Variants in RBFOX1 observed in about 807,000 individuals in gnomAD.
The protein encoded by RBFOX1 is RNA binding fox-1 homolog 1.
In RBFOX1, 8 loss-of-function variants were observed where a neutral mutation model predicts 57.7. The observed-to-expected ratio is 0.14, with a 90% CI of 0.08 to 0.25. The LOEUF (loss-of-function observed/expected upper bound fraction) is 0.25, where lower values mean the gene tolerates loss of function less well. RBFOX1 is among the 10% of genes least tolerant of loss of function. RBFOX1 has a pLI of 1.00. For missense variants in RBFOX1, 611 were observed against 548.5 expected (o/e 1.11, Z -1.14); for synonymous variants, 326 against 222.4 (o/e 1.47, Z -4.15).
At chr16:5,387,302 C>A (rs2066284425) in intron 1 of RBFOX1, among the ~76,000 whole-genome samples, 1 of 152,140 alleles carries the variant, frequency 6.6e-6, no homozygotes, top group Non-Finnish European at 1.5e-5. Flanking sequence ...TAGAATTCTT[C>A]CACCCCCACC....
chr16:6,042,800 G>C (rs1249989419), intron 1 of RBFOX1, among the ~76,000 whole-genome samples: 2 of 152,118 alleles, frequency 1.3e-5, no homozygotes, highest in African/African-American at 4.8e-5. Flanking sequence ...AAGAAAGGCA[G>C]GACATCTTGA....
chr16:6,708,264 A>G (rs1005328330), intron 3 of RBFOX1, among the ~76,000 whole-genome samples: 1 of 147,190 alleles, frequency 6.8e-6, no homozygotes, highest in African/African-American at 2.5e-5. Context: ...TGTGTGGGCT[A>G]GGATAGTCCC....
At chr16:6,118,136 G>T (rs2096517180) in intron 1 of RBFOX1, among the ~76,000 whole-genome samples, 2 of 152,122 alleles carry the variant, frequency 1.3e-5, no homozygotes, top group South Asian at 4.1e-4. Context: ...TACAATAATA[G>T]AAACTAATAA....
intron 5 of RBFOX1, among the ~76,000 whole-genome samples, chr16:7,558,184 T>C (rs1187007362): frequency 2.0e-5 from 3 of 152,002 alleles, no homozygotes; most frequent in African/African-American, 7.2e-5. Context: ...CAAAACTCCA[T>C]ATCCACTAAA....
chr16:6,584,922 C>T (rs1861213), intron 2 of RBFOX1, among the ~76,000 whole-genome samples: 1 of 152,006 alleles, frequency 6.6e-6, no homozygotes, highest in African/African-American at 2.4e-5. Context: ...TGGGGACCTG[C>T]GTTGAAAACC....
intron 2 of RBFOX1, among the ~76,000 whole-genome samples, chr16:5,596,506 G>A (rs939185114): frequency 2.6e-5 from 4 of 152,142 alleles, no homozygotes; most frequent in Non-Finnish European, 5.9e-5. Context: ...GGGCAGGAGT[G>A]TGTCCCTAGA....
At chr16:6,020,033 C>T (rs2095036080) in intron 1 of RBFOX1, 41 bp downstream of exon 1, 18 of 1,447,540 alleles carry the variant, frequency 1.2e-5, no homozygotes, top group South Asian at 2.7e-5. Flanking sequence ...CCCACCCTGA[C>T]CTGGTGGGTC....
intron 4 of RBFOX1, among the ~76,000 whole-genome samples, chr16:7,072,506 A>G (rs1435606616): frequency 6.6e-6 from 1 of 152,222 alleles, no homozygotes; most frequent in Admixed American, 6.5e-5. Flanking sequence ...GAAACTAAAT[A>G]TTAATACATG....
Position 6,746,579 on chromosome 16 carries a change from G to A in RBFOX1, c.-16+91929G>A, listed in dbSNP as rs546781726. Among the ~76,000 whole-genome samples the A allele has an allele frequency of 2.6e-5, 4 of 152,086 alleles. No homozygotes were observed. In the South Asian group the frequency reaches 8.3e-4, roughly 32 times the overall value. ...GCAGTCCCTAGCTACCTGGGAGGCT[G>A]AACTGGGGGGATCACCTGAACCTGG... is the stretch of plus-strand genomic sequence containing the variant. On this transcript the variant is annotated intron_variant, in intron 3 of 15. Transcript: ENST00000550418.
intron 5 of RBFOX1, among the ~76,000 whole-genome samples, chr16:7,535,281 G>A (rs2081211018): frequency 6.6e-6 from 1 of 152,124 alleles, no homozygotes; most frequent in African/African-American, 2.4e-5. Context: ...TGGGCTTACG[G>A]GCCCTTTCTG....
At chr16:7,409,703 C>G (rs947242050) in intron 4 of RBFOX1, among the ~76,000 whole-genome samples, 32 of 152,220 alleles carry the variant, frequency 2.1e-4, no homozygotes, top group African/African-American at 7.5e-4. Context: ...AACCCCATCA[C>G]CACCTTGATT....
At chr16:7,418,795 T>G (rs2098510326) in intron 4 of RBFOX1, among the ~76,000 whole-genome samples, 1 of 152,218 alleles carries the variant, frequency 6.6e-6, no homozygotes, top group African/African-American at 2.4e-5. Context: ...TGTCTTTCTC[T>G]GTCTTCCTCT....
intron 4 of RBFOX1, among the ~76,000 whole-genome samples, chr16:5,942,528 C>G (rs915900681): frequency 6.6e-6 from 1 of 152,142 alleles, no homozygotes; most frequent in African/African-American, 2.4e-5. Context: ...CTTGTGATCT[C>G]CAGAACAGTG....
chr16:5,484,048 A>G (rs1485586283), intron 2 of RBFOX1, among the ~76,000 whole-genome samples: 1 of 152,160 alleles, frequency 6.6e-6, no homozygotes, highest in Non-Finnish European at 1.5e-5. Flanking sequence ...GTGTGTACCT[A>G]TAGTCCCAAC....
chr16:6,306,774 A>G (rs892730238), intron 1 of RBFOX1, among the ~76,000 whole-genome samples: 9 of 152,324 alleles, frequency 5.9e-5, no homozygotes, highest in African/African-American at 2.2e-4. Context: ...ATCTGTCTGC[A>G]GGAATTAAAA....
chr16:7,200,762 C>A (rs543221038), intron 4 of RBFOX1, among the ~76,000 whole-genome samples: 36 of 152,278 alleles, frequency 2.4e-4, no homozygotes, highest in Admixed American at 3.3e-4. Context: ...AATTATTAGA[C>A]ATGCATCCTG....
intron 3 of RBFOX1, among the ~76,000 whole-genome samples, chr16:5,752,676 A>G (rs981506158): frequency 6.6e-6 from 1 of 152,196 alleles, no homozygotes; most frequent in Non-Finnish European, 1.5e-5. Flanking sequence ...TGAATGACCC[A>G]TAATAAGAGA....
chr16:7,371,083 C>G (rs778901263), intron 4 of RBFOX1, among the ~76,000 whole-genome samples: 1 of 152,152 alleles, frequency 6.6e-6, no homozygotes, highest in Non-Finnish European at 1.5e-5. Flanking sequence ...TAGTTTTACG[C>G]AGGTTTTCAG....
chr16:5,972,551 A>C (rs1328176624), intron 4 of RBFOX1, among the ~76,000 whole-genome samples: 1 of 152,208 alleles, frequency 6.6e-6, no homozygotes, highest in Non-Finnish European at 1.5e-5. Context: ...TTCCTTAGCT[A>C]GGAGTACCTC....
Sources: gnomAD v4.1 joint callset for allele counts (sites outside exome capture counted in the v4.1 genomes callset) on GRCh38, gnomAD v4.1.1 for gene constraint, MANE v1.5 for transcripts, NCBI Gene and HGNC (gene_info 2026-07-23, HGNC 2026-07-21) for gene names.